Variants in ULK4 observed in about 807,000 individuals in gnomAD.
ULK4 encodes unc-51 like kinase 4, also known as inactive serine/threonine-protein kinase ULK4.
A neutral mutation model predicts 160.6 loss-of-function variants in ULK4; 133 were observed. The observed-to-expected ratio is 0.83, with a 90% CI of 0.72 to 0.96. ULK4 has a LOEUF of 0.96. ULK4 is among the 40% of genes least tolerant of loss of function. The pLI, the probability that ULK4 is intolerant of heterozygous loss-of-function variation, is 0.00. For missense variants in ULK4, 1,580 were observed against 1,499.5 expected (o/e 1.05, Z -0.89); for synonymous variants, 534 against 539.8 (o/e 0.99, Z 0.15).
At chr3:41,857,876 T>C (rs905433716) in intron 17 of ULK4, among the ~76,000 whole-genome samples, 1 of 152,088 alleles carries the variant, frequency 6.6e-6, no homozygotes, top group Non-Finnish European at 1.5e-5. Context: ...CTAAAGTTTG[T>C]CATTTTGTTT....
intron 22 of ULK4, among the ~76,000 whole-genome samples, chr3:41,736,717 T>C (rs1559517808): frequency 6.6e-6 from 1 of 151,096 alleles, no homozygotes; most frequent in Non-Finnish European, 1.5e-5. Context: ...TTTGTCAATT[T>C]TGTCTTTTGT....
intron 32 of ULK4, among the ~76,000 whole-genome samples, chr3:41,469,219 C>T (rs2083908876): frequency 6.6e-6 from 1 of 152,132 alleles, no homozygotes; most frequent in African/African-American, 2.4e-5. Flanking sequence ...CAAAGCTCAC[C>T]TCAAGAGCCT....
chr3:41,806,538 G>A (rs868594876), intron 19 of ULK4, among the ~76,000 whole-genome samples: 21 of 152,112 alleles, frequency 1.4e-4, no homozygotes, highest in African/African-American at 4.3e-4. Context: ...TTTTGAATGC[G>A]TTTGCTCTTG....
intron 17 of ULK4, among the ~76,000 whole-genome samples, chr3:41,838,189 T>C (rs1381250139): frequency 6.6e-6 from 1 of 152,184 alleles, no homozygotes; most frequent in Non-Finnish European, 1.5e-5. Context: ...CTTGAAATAA[T>C]CAGAGAGGAA....
intron 32 of ULK4, among the ~76,000 whole-genome samples, chr3:41,534,169 G>A (rs1399152318): frequency 6.6e-6 from 1 of 152,176 alleles, no homozygotes; most frequent in Non-Finnish European, 1.5e-5. Flanking sequence ...TGGTCCTTGA[G>A]TAAATACCAA....
chr3:41,811,054 T>C (rs1277043072), intron 19 of ULK4, among the ~76,000 whole-genome samples: 1 of 151,710 alleles, frequency 6.6e-6, no homozygotes, highest in Non-Finnish European at 1.5e-5. Flanking sequence ...GGGCTAATTT[T>C]AAATTTTTTT....
At chr3:41,540,382 G>T (rs2086654219) in intron 32 of ULK4, among the ~76,000 whole-genome samples, 1 of 152,086 alleles carries the variant, frequency 6.6e-6, no homozygotes. Flanking sequence ...CTTTTTTATG[G>T]CTGCATAGTA....
In ULK4 at chr3:41,269,656, A is replaced by G. The variant is rs551591689; in HGVS notation, c.3679-20082T>C. 1.6e-3 allele frequency among the ~76,000 whole-genome samples: 241 copies of G among 152,364 alleles called. 1 individual carries two copies. Among genetic ancestry groups the G allele is most frequent in the African/African-American group, 5.5e-3 (228 of 41,584 alleles). On this transcript the variant is annotated intron_variant, in intron 35 of 36. Coordinates refer to ENST00000301831, the MANE Select transcript of ULK4 (RefSeq NM_017886.4). ...CAATGTATAAAGATGCAAATTTATGAAAAACAAATTATTATATAGATTATC... is the reference window on the plus strand; with the variant it reads ...CAATGTATAAAGATGCAAATTTATGGAAAACAAATTATTATATAGATTATC...
chr3:41,285,587 G>T (rs531518754), intron 35 of ULK4, among the ~76,000 whole-genome samples: 25 of 152,236 alleles, frequency 1.6e-4, no homozygotes, highest in African/African-American at 6.0e-4. Flanking sequence ...TGGGGACTTG[G>T]GGGGAAGGGT....
intron 35 of ULK4, among the ~76,000 whole-genome samples, chr3:41,376,690 G>A (rs2081505898): frequency 6.7e-6 from 1 of 149,680 alleles, no homozygotes; most frequent in Non-Finnish European, 1.5e-5. Flanking sequence ...CCTCTTCAAG[G>A]AGAACTACAA....
intron 35 of ULK4, among the ~76,000 whole-genome samples, chr3:41,344,736 G>C (rs1410435481): frequency 8.2e-6 from 1 of 122,642 alleles, no homozygotes; most frequent in African/African-American, 3.2e-5. Flanking sequence ...CTGGGTAACA[G>C]AGCAAGACTC....
At chr3:41,550,470 C>A (rs2087020049) in intron 32 of ULK4, among the ~76,000 whole-genome samples, 1 of 151,712 alleles carries the variant, frequency 6.6e-6, no homozygotes, top group African/African-American at 2.4e-5. Flanking sequence ...AAACCAAAAG[C>A]AAGCAAAAGT....
chr3:41,259,488 C>T (rs1261644538), intron 35 of ULK4, among the ~76,000 whole-genome samples: 1 of 152,152 alleles, frequency 6.6e-6, no homozygotes, highest in African/African-American at 2.4e-5. Context: ...ATGGCTTGCC[C>T]AAGGCAAAGT....
chr3:41,706,535 G>A (rs2036893948), intron 25 of ULK4, among the ~76,000 whole-genome samples: 1 of 150,872 alleles, frequency 6.6e-6, no homozygotes, highest in Admixed American at 6.6e-5. Flanking sequence ...AGTAGAAATT[G>A]GTCTAACATA....
intron 5 of ULK4, among the ~76,000 whole-genome samples, chr3:41,929,774 C>G (rs1309537700): frequency 6.6e-6 from 1 of 152,102 alleles, no homozygotes; most frequent in Non-Finnish European, 1.5e-5. Context: ...AGGAATCCAG[C>G]TTACAAGGGA....
intron 34 of ULK4, among the ~76,000 whole-genome samples, chr3:41,434,905 C>T (rs1039066): frequency 0.035 from 5,275 of 152,238 alleles, 145 homozygotes; most frequent in Non-Finnish European, 0.055. Context: ...TTTCCCATAG[C>T]GATCACTAGG....
At chr3:41,673,697 CAT>C (rs144131094) in intron 29 of ULK4, among the ~76,000 whole-genome samples, 15,554 of 151,344 alleles carry the variant, frequency 0.1, 1,771 homozygotes, top group African/African-American at 0.28. Context: ...TACATACATA[CAT>C]ATATATATAA....
chr3:41,796,410 G>A (rs912577284), intron 20 of ULK4, among the ~76,000 whole-genome samples: 1 of 152,078 alleles, frequency 6.6e-6, no homozygotes, highest in African/African-American at 2.4e-5. Context: ...CCAACATGAT[G>A]AAACATCCTC....
chr3:41,803,692 G>A (rs2040543380), intron 19 of ULK4, among the ~76,000 whole-genome samples: 1 of 151,970 alleles, frequency 6.6e-6, no homozygotes, highest in African/African-American at 2.4e-5. Flanking sequence ...GTGTCCATGT[G>A]TTCTCATTGT....
Sources: allele counts gnomAD v4.1 joint callset (sites outside exome capture counted in the v4.1 genomes callset), GRCh38; gene constraint gnomAD v4.1.1; transcripts MANE v1.5; gene names NCBI Gene and HGNC (gene_info 2026-07-23, HGNC 2026-07-21).